The following SEMA3A variants were observed in gnomAD, a reference collection of about 807,000 sequenced individuals.
SEMA3A encodes the protein semaphorin-3A.
SEMA3A carries 29 observed loss-of-function variants against 97.9 expected under a neutral mutation model. That is an observed-to-expected ratio of 0.30 (90% CI 0.22 to 0.40). SEMA3A has a LOEUF of 0.40. SEMA3A is among the 10% of genes least tolerant of loss of function. The pLI is 1.00. For missense variants in SEMA3A, 763 were observed against 951.3 expected (o/e 0.80, Z 2.60); for synonymous variants, 321 against 323.7 (o/e 0.99, Z 0.09).
chr7:84,207,914 T>C lies in SEMA3A; in HGVS notation c.-82-13246A>G, dbSNP rs563491146. On this transcript the variant is annotated intron_variant, in intron 3 of 3. Transcript: ENST00000424555. ...TGAGACAGTGAGGAGATTGCAGTTA[T>C]GTGGAGGTTTTTCTTCCTAAGATTA... Among the ~76,000 whole-genome samples the C allele has an allele frequency of 3.9e-5, 6 of 152,316 alleles. No homozygotes were observed. In the South Asian group the frequency reaches 8.3e-4, roughly 21 times the overall value.
intron 12 of SEMA3A, among the ~76,000 whole-genome samples, chr7:83,999,551 CAG>C (rs773863001): frequency 3.3e-5 from 5 of 152,036 alleles, no homozygotes; most frequent in Non-Finnish European, 7.4e-5. Context: ...GATAACACAT[CAG>C]AGTCTTTGAG....
chr7:84,055,746 T>C (rs1792944582), intron 5 of SEMA3A, among the ~76,000 whole-genome samples: 1 of 152,086 alleles, frequency 6.6e-6, no homozygotes, highest in Non-Finnish European at 1.5e-5. Context: ...ATATGTTGAT[T>C]CTTAAGCATA....
At chr7:83,981,144 G>C (rs971440894) in intron 14 of SEMA3A, among the ~76,000 whole-genome samples, 177 bp downstream of exon 14, 3 of 152,040 alleles carry the variant, frequency 2.0e-5, no homozygotes, top group Non-Finnish European at 2.9e-5. Flanking sequence ...TTTTCTGATT[G>C]TTTTAACTAT....
At chr7:83,962,937 T>G (rs2116253735) in intron 16 of SEMA3A, among the ~76,000 whole-genome samples, 1 of 152,236 alleles carries the variant, frequency 6.6e-6, no homozygotes, top group Admixed American at 6.5e-5. Flanking sequence ...ATAAACACAG[T>G]AAGAAATAAG....
intron 4 of SEMA3A, among the ~76,000 whole-genome samples, chr7:84,103,432 G>A (rs1795014898): frequency 6.6e-6 from 1 of 152,016 alleles, no homozygotes; most frequent in Admixed American, 6.6e-5. Flanking sequence ...CTGTGGGATA[G>A]CCATCCAAAT....
At chr7:84,105,186 G>T (rs1168382795) in intron 4 of SEMA3A, among the ~76,000 whole-genome samples, 1 of 152,116 alleles carries the variant, frequency 6.6e-6, no homozygotes, top group Admixed American at 6.5e-5. Flanking sequence ...GAATTTCTCA[G>T]TTCCGTACCA....
intron 3 of SEMA3A, among the ~76,000 whole-genome samples, chr7:84,231,987 GGTATGT>G (rs1334436665): frequency 1.3e-5 from 2 of 151,260 alleles, no homozygotes; most frequent in Non-Finnish European, 3.0e-5. Context: ...TAAAAACAAA[GGTATGT>G]GTATGTGTGT....
At chr7:84,311,436 A>C (rs1258392660) in intron 2 of SEMA3A, among the ~76,000 whole-genome samples, 1 of 151,966 alleles carries the variant, frequency 6.6e-6, no homozygotes, top group Non-Finnish European at 1.5e-5. Context: ...AGTACACTGT[A>C]GTATGTGATG....
chr7:84,207,261 G>A (rs541208192), intron 3 of SEMA3A, among the ~76,000 whole-genome samples: 1 of 152,136 alleles, frequency 6.6e-6, no homozygotes, highest in Non-Finnish European at 1.5e-5. Context: ...CCTGACTATT[G>A]TCATGGTTCC....
intron 5 of SEMA3A, among the ~76,000 whole-genome samples, chr7:84,047,889 C>T (rs1024248939): frequency 6.6e-6 from 1 of 151,822 alleles, no homozygotes; most frequent in Non-Finnish European, 1.5e-5. Flanking sequence ...CACACCAAAG[C>T]AATTCCTTTG....
intron 3 of SEMA3A, among the ~76,000 whole-genome samples, chr7:84,231,491 T>C (rs930865125): frequency 3.9e-5 from 6 of 151,904 alleles, no homozygotes; most frequent in African/African-American, 9.7e-5. Flanking sequence ...GAGTGGAAAG[T>C]ATAAACAAGG....
At chr7:84,449,715 T>C (rs1478733886) in intron 1 of SEMA3A, among the ~76,000 whole-genome samples, 1 of 152,146 alleles carries the variant, frequency 6.6e-6, no homozygotes, top group Non-Finnish European at 1.5e-5. Flanking sequence ...AGAAACTTTT[T>C]CATTAAATAG....
chr7:84,429,842 G>T (rs926680243), intron 1 of SEMA3A, among the ~76,000 whole-genome samples: 1 of 151,634 alleles, frequency 6.6e-6, no homozygotes, highest in Non-Finnish European at 1.5e-5. Flanking sequence ...TTGGGAGGAA[G>T]AAAATGAGGC....
chr7:84,390,335 A>AATT (rs71078827), intron 1 of SEMA3A, among the ~76,000 whole-genome samples: 3,691 of 143,624 alleles, frequency 0.026, 52 homozygotes, highest in Middle Eastern at 0.051. Context: ...GATATTCAAG[A>AATT]ATTATTATTA....
chr7:83,985,461 G>A lies in SEMA3A; in HGVS notation c.1469C>T (p.Ser490Leu), dbSNP rs1042482344. ...CTGCTTAGTGGAAAGCTCCATTGCT[G>A]AAATAGCAGTCGGTTCCTAAAGGAG... The part of the protein sequence containing the change: ...MTVFREPTAI[S>L]AMELSTKQQQ... The change falls in exon 13 of 17, where the codon TCA becomes TTA. Residue 490 changes from serine (S) to leucine (L), a missense_variant. Ser to Leu is a moderately radical substitution (Grantham distance 145). Around this residue, in one of 2 missense-constraint regions of SEMA3A, gnomAD observed 678 missense variants for 881.3 expected, o/e 0.77. Transcript: ENST00000265362. 9 of 1,610,556 alleles carry A rather than the reference G, an allele frequency of 5.6e-6. No homozygotes were observed. In the Middle Eastern group the frequency reaches 1.5e-3, roughly 266 times the overall value.
chr7:84,187,885 T>G (rs1158538713), intron 1 of SEMA3A, among the ~76,000 whole-genome samples: 3 of 152,044 alleles, frequency 2.0e-5, no homozygotes, highest in Non-Finnish European at 4.4e-5. Context: ...CTTTAGAAAC[T>G]CAGAATCTGG....
chr7:84,152,527 C>T (rs1337102079), intron 1 of SEMA3A, among the ~76,000 whole-genome samples: 1 of 123,826 alleles, frequency 8.1e-6, no homozygotes, highest in African/African-American at 3.1e-5. Flanking sequence ...GAACATCACA[C>T]TCTGGGAACT....
chr7:84,041,845 C>T (rs193069019), intron 6 of SEMA3A, among the ~76,000 whole-genome samples: 1 of 151,924 alleles, frequency 6.6e-6, no homozygotes, highest in East Asian at 1.9e-4. Context: ...TTGCTTAAGC[C>T]AAAGAAATAA....
chr7:84,035,485 T>A (rs1292788110), intron 6 of SEMA3A, among the ~76,000 whole-genome samples: 1 of 152,080 alleles, frequency 6.6e-6, no homozygotes, highest in Non-Finnish European at 1.5e-5. Flanking sequence ...TTAAGAAAAT[T>A]ATTTAGAACA....
Sources: gnomAD v4.1 joint callset for allele counts (sites outside exome capture counted in the v4.1 genomes callset) on GRCh38, gnomAD v4.1.1 for gene constraint, gnomAD v4.1.1 regional missense constraint, MANE v1.5 for transcripts, NCBI Gene and HGNC (gene_info 2026-07-23, HGNC 2026-07-21) for gene names.